USP35: variants seen among roughly 807,000 people sequenced by gnomAD.
The protein encoded by USP35 is ubiquitin specific peptidase 35, also known as ubiquitin carboxyl-terminal hydrolase 35.
In USP35, 69 loss-of-function variants were observed where a neutral mutation model predicts 83.8. The ratio of observed to expected loss-of-function variants is 0.82; its 90% CI spans 0.68 to 1.01. The LOEUF (loss-of-function observed/expected upper bound fraction) is 1.01. Ranked by LOEUF, USP35 falls within the 50% of genes least tolerant of loss-of-function variation. The pLI, the probability that USP35 is intolerant of heterozygous loss-of-function variation, is 0.00. For missense variants in USP35, 1,503 were observed against 1,362.5 expected, an observed-to-expected ratio of 1.10 and a Z score of -1.62; for synonymous variants, 714 against 589.5, an observed-to-expected ratio of 1.21 and a Z score of -3.06.
At chr11:78,228,974 T>C in the USP35 span, among the ~76,000 whole-genome samples, 1 of 152,238 alleles carries the variant, frequency 6.6e-6, no homozygotes, top group Non-Finnish European at 1.5e-5. Flanking sequence ...CATTTACTGA[T>C]GTCCTAATTT....
chr11:78,211,433 T>C (rs143964308), intron 10 of USP35, among the ~76,000 whole-genome samples: 1,706 of 152,324 alleles, frequency 0.011, 33 homozygotes, highest in African/African-American at 0.038. Flanking sequence ...TGTATCTTTA[T>C]AATAGAATGA....
the USP35 span, chr11:78,222,294 A>G: frequency 1.3e-4 from 102 of 775,524 alleles, no homozygotes; most frequent in Non-Finnish European, 2.1e-4. Context: ...AAAGGCCTGC[A>G]AAGTCATTCC....
Position 78,209,484 on chromosome 11 carries a change from C to A in USP35, c.1629C>A (p.Cys543Ter), listed in dbSNP as rs1863651540. The change falls in exon 10 of 11, where the codon TGC becomes TGA. Residue 543 changes from cysteine to a stop codon, truncating the protein, a stop_gained. Transcript: ENST00000529308. LOFTEE classifies it high-confidence loss of function. ...HEEEKTGTRI[C>*]QKLKQSSSPS... is the part of the protein sequence containing the mutation. ...AGGAGAAAACGGGCACAAGGATCTG[C>A]CAGAAACTCAAGCAGTCCAGCTCGC... 1.2e-6 allele frequency: 2 copies of A among 1,612,156 alleles called. No homozygotes were observed. Among genetic ancestry groups the A allele is most frequent in the East Asian group, 4.5e-5 (2 of 44,862 alleles).
At position 78,200,139 on chromosome 11, in the gene USP35, T is replaced by C; in HGVS notation, c.943T>C (p.Ser315Pro). ...VSLTKIEKVF[S>P]KLLYPIVRGA... ...ACCAGGGACTCTCTTGTAGGTTTTC[T>C]CTAAGCTGCTGTACCCCATCGTCCG... Residue 315 changes from serine to proline, a missense_variant, in exon 5 of 11, where the codon TCT (serine) becomes CCT (proline). By Grantham distance (74) the Ser-to-Pro change is moderately conservative (BLOSUM62 -1). Transcript: ENST00000529308. 6.2e-7 allele frequency: 1 copy of C among 1,614,212 alleles called. No individual in the cohort carries two copies. Among genetic ancestry groups the C allele is most frequent in the Non-Finnish European group, 8.5e-7 (1 of 1,180,032 alleles).
intron 2 of USP35, 87 bp downstream of exon 2, chr11:78,197,005 A>G: frequency 7.2e-7 from 1 of 1,380,448 alleles, no homozygotes. Context: ...GGATTTGTGC[A>G]TGCGGGCGCC....
chr11:78,235,571 G>T, the USP35 span, among the ~76,000 whole-genome samples: 1 of 152,156 alleles, frequency 6.6e-6, no homozygotes, highest in Non-Finnish European at 1.5e-5. Context: ...ATGCTTTGCT[G>T]CTTAGAAATT....
intron 1 of USP35, among the ~76,000 whole-genome samples, chr11:78,190,100 T>A (rs529805765): frequency 6.6e-6 from 1 of 152,150 alleles, no homozygotes; most frequent in African/African-American, 2.4e-5. Flanking sequence ...GCTCCTCAGC[T>A]CTTAGGTGCT....
intron 9 of USP35, 35 bp downstream of exon 9, chr11:78,208,998 C>A: frequency 6.3e-7 from 1 of 1,599,482 alleles, no homozygotes; most frequent in South Asian, 1.1e-5. Context: ...GACTCCAGGT[C>A]TAGAGGGTCC....
At chr11:78,200,558 CAG>C in intron 5 of USP35, 90 bp from the exon 6 acceptor site, 2 of 1,512,540 alleles carry the variant, frequency 1.3e-6, no homozygotes, top group South Asian at 1.3e-5. Flanking sequence ...CTCCCTACCT[CAG>C]AGAGTGTTGC....
chr11:78,197,925 C>T lies in USP35; in HGVS notation c.674-11C>T, dbSNP rs772068478. 1.2e-5 allele frequency: 20 copies of T among 1,613,536 alleles called. No homozygotes were observed. In the African/African-American group the frequency reaches 2.0e-4, roughly 16 times the overall value. Reference sequence around the variant, plus strand: ...CCTCCCTGCTAAGCTCAGCCCTGTCCCCTGTTCCAGAGGAGGAGCCACCAT... The same window carrying T: ...CCTCCCTGCTAAGCTCAGCCCTGTCTCCTGTTCCAGAGGAGGAGCCACCAT... On this transcript the variant is annotated splice_polypyrimidine_tract_variant and intron_variant, in intron 2 of 10. Coordinates refer to ENST00000529308, the MANE Select transcript of USP35 (RefSeq NM_020798.4).
intron 2 of USP35, among the ~76,000 whole-genome samples, chr11:78,197,531 C>T (rs1863190193): frequency 6.6e-6 from 1 of 152,194 alleles, no homozygotes. Flanking sequence ...ATGCACCTGG[C>T]AGGGTGAAGA....
chr11:78,221,644 A>T, the USP35 span: 1 of 1,390,340 alleles, frequency 7.2e-7, no homozygotes, highest in South Asian at 1.2e-5. Context: ...GGGACTTGAA[A>T]GGCGTCATTC....
chr11:78,214,396 G>GGGGGC lies in USP35; in HGVS notation c.*583_*584insGGGGC, dbSNP rs1863992781. The GGGGGC allele has an allele frequency of 6.8e-6, 1 of 146,546 alleles. No individual in the cohort carries two copies. The highest frequency in any genetic ancestry group is 1.5e-5 in the Non-Finnish European group (1 of 66,112). The allele number at this position is 146,546 out of a possible 1,614,324, so 9.1% of individuals were successfully genotyped here. On this transcript the variant is annotated 3_prime_UTR_variant, in exon 11 of 11. Coordinates refer to ENST00000529308, the MANE Select transcript of USP35 (RefSeq NM_020798.4). ...ATGGTTTTGGGGGGGGGGGCGGGGG[G>GGGGGC]CTAGCTTCTCACAGCAGGAGGCCTT...
the USP35 span, chr11:78,226,619 G>GGGGGGGGGGGGGGGGCCC: frequency 1.1e-6 from 1 of 952,232 alleles, no homozygotes; most frequent in Non-Finnish European, 1.6e-6. Flanking sequence ...GGCGGGGTGG[G>GGGGGGGGGGGGGGGGCCC]GGAGCTATGG....
chr11:78,209,736 C>T lies in USP35; in HGVS notation c.1881C>T (p.Pro627=), dbSNP rs764646401. ...PTEDITAREL[P]PPTSAQGPGR... is the part of the protein sequence containing the mutation. The stretch of plus-strand genomic sequence containing the variant: ...AAGACATCACAGCCCGGGAGTTGCC[C>T]CCACCAACCAGTGCACAGGGGCCAG... Residue 627 remains proline (P), a synonymous_variant, in exon 10 of 11, where the codon CCC becomes CCT. Coordinates refer to ENST00000529308, the MANE Select transcript of USP35 (RefSeq NM_020798.4). 2 of 1,614,020 alleles carry T rather than the reference C, an allele frequency of 1.2e-6. No individual in the cohort carries two copies. The highest frequency in any genetic ancestry group is 1.3e-5 in the African/African-American group (1 of 74,988).
At position 78,207,677 on chromosome 11, in the gene USP35, G is replaced by A. The variant is rs553428798; in HGVS notation, c.1485+54G>A. 2.9e-4 allele frequency: 450 copies of A among 1,545,992 alleles called. 6 individuals carry two copies. In the South Asian group the frequency reaches 4.6e-3, roughly 16 times the overall value. On this transcript the variant is annotated intron_variant, in intron 8 of 10. Coordinates refer to ENST00000529308, the MANE Select transcript of USP35 (RefSeq NM_020798.4). ...GGAGAGGCAGCTCTGGTCAGGCCCC[G>A]ACATGGACACCTTTCCCTTCCCCAG...
At chr11:78,205,747 T>G (rs1014614958) in intron 6 of USP35, 95 bp from the exon 7 acceptor site, 5 of 1,391,566 alleles carry the variant, frequency 3.6e-6, no homozygotes, top group Non-Finnish European at 4.9e-6. Flanking sequence ...GCCTTGGGGT[T>G]GGCTGTATCT....
chr11:78,233,876 G>A, the USP35 span, among the ~76,000 whole-genome samples: 1 of 152,226 alleles, frequency 6.6e-6, no homozygotes, highest in African/African-American at 2.4e-5. Flanking sequence ...CTCCCAAAGT[G>A]CTGAGATTAC....
downstream of USP35, among the ~76,000 whole-genome samples, chr11:78,220,005 G>C (rs1370433430): frequency 6.6e-6 from 1 of 152,082 alleles, no homozygotes; most frequent in African/African-American, 2.4e-5. Flanking sequence ...CTCATTCCTG[G>C]ATCTGTTGCT....
Sources: allele counts gnomAD v4.1 joint callset (sites outside exome capture counted in the v4.1 genomes callset), GRCh38; gene constraint gnomAD v4.1.1; transcripts MANE v1.5; gene names NCBI Gene and HGNC (gene_info 2026-07-23, HGNC 2026-07-21).